KLB: variants seen among roughly 807,000 people sequenced by gnomAD.
The protein encoded by KLB is beta-klotho.
In KLB, 44 loss-of-function variants were observed where a neutral mutation model predicts 88.4. The observed-to-expected ratio is 0.50, with a 90% confidence interval of 0.39 to 0.64. The LOEUF is 0.64. Ranked by LOEUF, KLB falls within the 30% of genes least tolerant of loss-of-function variation. KLB has a pLI of 0.00. For missense variants in KLB, 1,137 were observed against 1,304.8 expected (o/e 0.87, Z 1.98); for synonymous variants, 548 against 513.4 (o/e 1.07, Z -0.91).
chr4:39,417,892 G>T (rs915399127), intron 1 of KLB, among the ~76,000 whole-genome samples: 13 of 152,110 alleles, frequency 8.5e-5, no homozygotes, highest in African/African-American at 3.1e-4. Flanking sequence ...TAGAGGATAA[G>T]TATCAAAGCC....
intron 4 of KLB, 95 bp downstream of exon 4, chr4:39,447,570 A>G (rs1390018275): frequency 9.1e-6 from 10 of 1,101,576 alleles, no homozygotes; most frequent in Non-Finnish European, 1.3e-5. Flanking sequence ...GCCTGACAGC[A>G]TCCAATTTGT....
At chr4:39,434,915 T>G (rs1216207220) in intron 2 of KLB, among the ~76,000 whole-genome samples, 195 bp downstream of exon 2, 2 of 151,922 alleles carry the variant, frequency 1.3e-5, no homozygotes, top group African/African-American at 4.8e-5. Context: ...CAAGTGATTC[T>G]CCTGCCTCAG....
At chr4:39,414,982 G>T (rs1321637716) in intron 1 of KLB, among the ~76,000 whole-genome samples, 1 of 151,944 alleles carries the variant, frequency 6.6e-6, no homozygotes. Context: ...TTTGGTGGGG[G>T]TTGGGTTTTT....
intron 2 of KLB, among the ~76,000 whole-genome samples, chr4:39,436,752 C>T (rs1743480394): frequency 6.6e-6 from 1 of 151,910 alleles, no homozygotes. Flanking sequence ...TCTTGTTACC[C>T]AGGCTGGAGT....
intron 1 of KLB, among the ~76,000 whole-genome samples, chr4:39,430,469 G>A (rs1743322624): frequency 1.3e-5 from 2 of 150,174 alleles, no homozygotes; most frequent in South Asian, 4.2e-4. Context: ...GAAAAACCCG[G>A]AAAGAATAGC....
chr4:39,444,908 C>T (rs777033234), intron 3 of KLB, among the ~76,000 whole-genome samples: 7 of 151,948 alleles, frequency 4.6e-5, no homozygotes, highest in South Asian at 2.1e-4. Flanking sequence ...AGATGACACA[C>T]GAAAAAACAA....
rs1743764752 is a variant in KLB, at chr4:39,446,994, G to T, written c.2268G>T (p.Ser756=). The T allele has an allele frequency of 6.2e-7, 1 of 1,609,516 alleles. No individual in the cohort carries two copies. Among genetic ancestry groups the T allele is most frequent in the Non-Finnish European group, 8.5e-7 (1 of 1,179,928 alleles). Residue 756 remains serine (S), a synonymous_variant, in exon 4 of 5, where the codon TCG becomes TCT. Coordinates refer to ENST00000257408, the MANE Select transcript of KLB (RefSeq NM_175737.4). The surrounding 1 kb of genome is among the most constrained non-coding windows in gnomAD (Gnocchi z 6.4). The stretch of plus-strand genomic sequence containing the variant: ...AACCCGCCAACCCCTATGCTGACTC[G>T]CACTGGAGGGCGGCCGAGCGCTTCC... ...WAEPANPYAD[S]HWRAAERFLQ...
At chr4:39,419,773 CAAAAAAAAAA>C (rs35079093) in intron 1 of KLB, among the ~76,000 whole-genome samples, 11 of 71,274 alleles carry the variant, frequency 1.5e-4, no homozygotes, top group Non-Finnish European at 2.2e-4. Flanking sequence ...AATTCCATCT[CAAAAAAAAAA>C]AAAAAAAAAA....
At position 39,447,104 on chromosome 4, in the gene KLB, A is replaced by G; in HGVS notation, c.2378A>G (p.Lys793Arg). 3 of 1,613,364 alleles carry G rather than the reference A, an allele frequency of 1.9e-6. No homozygotes were observed. Among genetic ancestry groups the G allele is most frequent in the Non-Finnish European group, 2.5e-6 (3 of 1,179,998 alleles). Residue 793 changes from lysine (K) to arginine (R), a missense_variant, in exon 4 of 5, where the codon AAG (lysine) becomes AGG (arginine). This residue lies in a region of KLB where 426 missense variants were observed against 404.6 expected (regional missense o/e 1.05). Transcript: ENST00000257408. The part of the protein sequence containing the change: ...PAAMREYIAS[K>R]HRRGLSSSAL... Reference sequence around the variant, plus strand: ...GCCATGAGGGAATACATTGCCTCCAAGCACCGACGGGGGCTTTCCAGCTCG... The same window carrying G: ...GCCATGAGGGAATACATTGCCTCCAGGCACCGACGGGGGCTTTCCAGCTCG...
In KLB at chr4:39,407,242, G is replaced by A; in HGVS notation, c.293G>A (p.Gly98Glu). The change falls in exon 1 of 5, where the codon GGG becomes GAG. Residue 98 changes from glycine (G) to glutamate (E), a missense_variant. Gly to Glu is a moderately conservative substitution (Grantham distance 98). Coordinates refer to ENST00000257408, the MANE Select transcript of KLB (RefSeq NM_175737.4). ...GIGTGALQVEGSWKKDGKGPS... is the reference protein window; with the variant it reads ...GIGTGALQVEESWKKDGKGPS... ...GGGACTGGAGCATTGCAAGTGGAAG[G>A]GAGTTGGAAGAAGGATGGAAAAGGA... 6.2e-7 allele frequency: 1 copy of A among 1,614,130 alleles called. No homozygotes were observed. Among genetic ancestry groups the A allele is most frequent in the Non-Finnish European group, 8.5e-7 (1 of 1,180,026 alleles).
rs144406748 is a variant in KLB, at chr4:39,447,465, G to A, written c.2739G>A (p.Glu913=). 267 of 1,574,168 alleles carry A rather than the reference G, an allele frequency of 1.7e-4. No individual in the cohort carries two copies. Among genetic ancestry groups the A allele is most frequent in the Non-Finnish European group, 2.0e-4 (227 of 1,158,770 alleles). ...ACTACCTAGGGAAGTACCTTCAGGA[G>A]GTGCTGAAAGGTAAGGGCGGGGCCC... ...RKYYLGKYLQ[E]VLKAYLIDKV... The change falls in exon 4 of 5, where the codon GAG becomes GAA. Residue 913 remains glutamate, a synonymous_variant. Coordinates refer to ENST00000257408, the MANE Select transcript of KLB (RefSeq NM_175737.4).
At chr4:39,431,243 A>T (rs1743353676) in intron 1 of KLB, among the ~76,000 whole-genome samples, 1 of 150,746 alleles carries the variant, frequency 6.6e-6, no homozygotes, top group Non-Finnish European at 1.5e-5. Context: ...ACCAAGAGGA[A>T]AGCATTCCTT....
chr4:39,439,733 T>C (rs1578212651), intron 3 of KLB, among the ~76,000 whole-genome samples: 1 of 151,538 alleles, frequency 6.6e-6, no homozygotes, highest in African/African-American at 2.4e-5. Context: ...AATGGTGCAA[T>C]CTTGGCTCAC....
At chr4:39,422,171 A>G (rs1054644806) in intron 1 of KLB, among the ~76,000 whole-genome samples, 4 of 152,168 alleles carry the variant, frequency 2.6e-5, no homozygotes. Flanking sequence ...GTAAAAGTGT[A>G]TTTCAAAGGC....
chr4:39,439,247 C>T (rs1743543701), intron 3 of KLB, among the ~76,000 whole-genome samples: 1 of 152,092 alleles, frequency 6.6e-6, no homozygotes, highest in African/African-American at 2.4e-5. Flanking sequence ...ACACATCCTT[C>T]CTCAGCCTCC....
rs1311276714 is a variant in KLB at position 39,407,361 on chromosome 4, T to G, written c.412T>G (p.Leu138Val). ...CAGTTATATTTTTCTGGAAAAAGAC[T>G]TATCAGCCCTGGATTTTATAGGAGT... ...SDSYIFLEKD[L>V]SALDFIGVSF... The change falls in exon 1 of 5, where the codon TTA (leucine) becomes GTA (valine). Residue 138 changes from leucine (L) to valine (V), a missense_variant. By Grantham distance (32) the Leu-to-Val change is conservative. Coordinates refer to ENST00000257408, the MANE Select transcript of KLB (RefSeq NM_175737.4). The G allele has an allele frequency of 6.2e-6, 10 of 1,614,166 alleles. No individual in the cohort carries two copies. The highest frequency in any genetic ancestry group is 8.5e-6 in the Non-Finnish European group (10 of 1,180,028).
chr4:39,421,554 A>C (rs1271730744), intron 1 of KLB, among the ~76,000 whole-genome samples: 1 of 152,176 alleles, frequency 6.6e-6, no homozygotes, highest in Non-Finnish European at 1.5e-5. Flanking sequence ...GTTCAAGACC[A>C]GCCTGGCCAA....
chr4:39,436,414 T>C (rs924184701), intron 2 of KLB, among the ~76,000 whole-genome samples: 2 of 152,208 alleles, frequency 1.3e-5, no homozygotes, highest in African/African-American at 2.4e-5. Flanking sequence ...TCAAATGCCA[T>C]GCTCTTGGGC....
chr4:39,430,337 A>G (rs1743317625), intron 1 of KLB, among the ~76,000 whole-genome samples: 1 of 151,340 alleles, frequency 6.6e-6, no homozygotes, highest in African/African-American at 2.4e-5. Context: ...GGATTAAGTG[A>G]CTGGTTAGAA....
Sources: gnomAD v4.1 joint callset for allele counts (sites outside exome capture counted in the v4.1 genomes callset) on GRCh38, gnomAD v4.1.1 for gene constraint, gnomAD v4.1.1 regional missense constraint, Gnocchi (gnomAD v3.1) non-coding constraint, MANE v1.5 for transcripts, NCBI Gene and HGNC (gene_info 2026-07-23, HGNC 2026-07-21) for gene names.